TRAF3: variants seen among roughly 807,000 people sequenced by gnomAD.
TRAF3 encodes TNF receptor-associated factor 3.
A neutral mutation model predicts 62.3 loss-of-function variants in TRAF3; 13 were observed. The ratio of observed to expected loss-of-function variants is 0.21; its 90% CI spans 0.14 to 0.33. TRAF3 has a LOEUF of 0.33. Ranked by LOEUF, TRAF3 falls within the 10% of genes least tolerant of loss-of-function variation. The probability of loss-of-function intolerance (pLI) is 1.00; values close to 1 mark genes in which losing one functional copy is unlikely to be tolerated. For missense variants in TRAF3, 440 were observed against 741.8 expected, an observed-to-expected ratio of 0.59 and a Z score of 4.73; for synonymous variants, 269 against 283.4, an observed-to-expected ratio of 0.95 and a Z score of 0.51.
At chr14:102,850,688 T>TAAA (rs35096461) in intron 2 of TRAF3, among the ~76,000 whole-genome samples, 7,007 of 87,352 alleles carry the variant, frequency 0.08, 760 homozygotes, top group African/African-American at 0.22. Flanking sequence ...AGACTCCGTC[T>TAAA]AAAAAAAAAA....
chr14:102,876,998 T>C (rs1358766628), intron 6 of TRAF3, among the ~76,000 whole-genome samples: 1 of 146,790 alleles, frequency 6.8e-6, no homozygotes, highest in African/African-American at 2.6e-5. Context: ...AACTCATAGA[T>C]AATCCATTCC....
rs544122205 is a variant in TRAF3 at position 102,903,619 on chromosome 14, G to A, written c.1135+190G>A. On this transcript the variant is annotated intron_variant, in intron 11 of 11. Coordinates refer to ENST00000392745, the MANE Select transcript of TRAF3 (RefSeq NM_145725.3). This position sits in a 1 kb window ranked among gnomAD's most constrained non-coding sequence, Gnocchi z 6.4. ...CCCCCAGCAAAGACAAACGTTTCCC[G>A]CGCAGGCTTGTCCCCTCCGTGTGAG... The A allele has an allele frequency of 2.0e-4, 167 of 851,730 alleles. No homozygotes were observed. Among genetic ancestry groups the A allele is most frequent in the African/African-American group, 1.7e-3 (102 of 60,056 alleles). 52.8% of individuals were successfully genotyped at this position (851,730 alleles called of 1,614,324 possible). A position where few individuals can be genotyped will look rare whatever the true frequency, so the allele number is the denominator to read the frequency against.
rs144556703 is a variant in TRAF3 at position 102,785,919 on chromosome 14, T to A, written c.-157+8244T>A. ...TTCTTAGACCTAAGTTGGCCCTTGT[T>A]GGGTGGAGGTGGTGGCGTGAGAGCC... On this transcript the variant is annotated intron_variant, in intron 1 of 11. Coordinates refer to ENST00000392745, the MANE Select transcript of TRAF3 (RefSeq NM_145725.3). Among the ~76,000 whole-genome samples, 818 of 152,272 alleles carry A rather than the reference T, an allele frequency of 5.4e-3. 6 individuals are homozygous for A. Among genetic ancestry groups the A allele is most frequent in the Admixed American group, 9.9e-3 (151 of 15,296 alleles).
chr14:102,849,260 C>T (rs1476183664), intron 2 of TRAF3, among the ~76,000 whole-genome samples: 2 of 152,216 alleles, frequency 1.3e-5, no homozygotes, highest in African/African-American at 2.4e-5. Context: ...GCCCCTTATA[C>T]AGCCCCGGGG....
intron 1 of TRAF3, among the ~76,000 whole-genome samples, chr14:102,825,934 C>T (rs1566758673): frequency 6.6e-6 from 1 of 152,254 alleles, no homozygotes; most frequent in Non-Finnish European, 1.5e-5. Context: ...TCCTCATCTC[C>T]TGTAGGCCGT....
intron 1 of TRAF3, among the ~76,000 whole-genome samples, chr14:102,796,930 A>G (rs1953604291): frequency 6.6e-6 from 1 of 152,168 alleles, no homozygotes; most frequent in African/African-American, 2.4e-5. Flanking sequence ...TTGCTTCCTT[A>G]GGCACTACGT....
rs1890642540 is a variant in TRAF3, at chr14:102,907,523, A to G, written c.*1739A>G. The G allele has an allele frequency of 6.6e-6, 1 of 152,310 alleles. No homozygotes were observed. Among genetic ancestry groups the G allele is most frequent in the African/African-American group, 2.4e-5 (1 of 41,462 alleles). The allele number at this position is 152,310 out of a possible 1,614,324, so 9.4% of individuals were successfully genotyped here. A position where few individuals can be genotyped will look rare whatever the true frequency, so the allele number is the denominator to read the frequency against. On this transcript the variant is annotated 3_prime_UTR_variant, in exon 12 of 12. Transcript: ENST00000392745. ...ACACGCGACGGGTGCTTCTTAGGCA[A>G]AACCAATGTGTGCGAACTGTCACAC...
intron 1 of TRAF3, among the ~76,000 whole-genome samples, chr14:102,799,244 A>C (rs1898258872): frequency 6.6e-6 from 1 of 152,210 alleles, no homozygotes; most frequent in Non-Finnish European, 1.5e-5. Context: ...GGAGCTTAGC[A>C]GACATCAGAG....
chr14:102,863,598 A>T (rs757609496), intron 2 of TRAF3, among the ~76,000 whole-genome samples: 6 of 152,204 alleles, frequency 3.9e-5, no homozygotes, highest in Non-Finnish European at 5.9e-5. Context: ...GAACATGTAC[A>T]CAGCCCTGGG....
intron 1 of TRAF3, among the ~76,000 whole-genome samples, chr14:102,795,199 TC>T (rs1296835616): frequency 6.6e-6 from 1 of 152,180 alleles, no homozygotes; most frequent in African/African-American, 2.4e-5. Flanking sequence ...AAACCCTGCC[TC>T]CCCAGCCTGT....
chr14:102,780,805 T>A (rs1377613284), intron 1 of TRAF3, among the ~76,000 whole-genome samples: 1 of 152,180 alleles, frequency 6.6e-6, no homozygotes, highest in Non-Finnish European at 1.5e-5. Context: ...ACCCATCTGC[T>A]AGGGTGTGAT....
At chr14:102,902,573 G>A (rs912271463) in intron 10 of TRAF3, among the ~76,000 whole-genome samples, 3 of 152,196 alleles carry the variant, frequency 2.0e-5, no homozygotes, top group South Asian at 2.1e-4. Context: ...CACCTGTCCC[G>A]TGGGACCTGC....
At chr14:102,782,615 C>T (rs1482079586) in intron 1 of TRAF3, among the ~76,000 whole-genome samples, 1 of 151,938 alleles carries the variant, frequency 6.6e-6, no homozygotes, top group Admixed American at 6.6e-5. Flanking sequence ...CTCCTTAATT[C>T]TCAAGAACTG....
chr14:102,895,600 T>C (rs57521303), intron 9 of TRAF3, among the ~76,000 whole-genome samples: 60,389 of 152,130 alleles, frequency 0.4, 16,074 homozygotes, highest in African/African-American at 0.75. Flanking sequence ...GCTTAGGGTC[T>C]TCTGGGGTGG....
At chr14:102,860,493 A>T (rs1374553241) in intron 2 of TRAF3, among the ~76,000 whole-genome samples, 1 of 152,192 alleles carries the variant, frequency 6.6e-6, no homozygotes, top group African/African-American at 2.4e-5. Flanking sequence ...TAACCATAGC[A>T]CTCTTTAAAA....
chr14:102,886,859 C>T (rs892743320), intron 7 of TRAF3, among the ~76,000 whole-genome samples: 11 of 152,142 alleles, frequency 7.2e-5, no homozygotes, highest in African/African-American at 2.2e-4. Context: ...GCAAAGGTGA[C>T]GAGGGGTTTT....
chr14:102,811,023 TAAAAA>T (rs1899096492), intron 1 of TRAF3, among the ~76,000 whole-genome samples: 1 of 152,224 alleles, frequency 6.6e-6, no homozygotes, highest in Admixed American at 6.5e-5. Flanking sequence ...CACATAAAGA[TAAAAA>T]TAAAATAATT....
intron 8 of TRAF3, among the ~76,000 whole-genome samples, chr14:102,890,732 A>G (rs1382810107): frequency 6.6e-6 from 1 of 152,246 alleles, no homozygotes; most frequent in Non-Finnish European, 1.5e-5. Context: ...AAAATGGTCT[A>G]CATCTTATGT....
intron 2 of TRAF3, among the ~76,000 whole-genome samples, chr14:102,866,809 T>C (rs866630438): frequency 2.0e-5 from 3 of 151,040 alleles, no homozygotes; most frequent in Middle Eastern, 3.4e-3. Flanking sequence ...GGCACCACTA[T>C]ACTCCAGCCT....
Sources: allele counts gnomAD v4.1 joint callset (sites outside exome capture counted in the v4.1 genomes callset), GRCh38; gene constraint gnomAD v4.1.1; non-coding constraint Gnocchi (gnomAD v3.1); transcripts MANE v1.5; gene names NCBI Gene and HGNC (gene_info 2026-07-23, HGNC 2026-07-21).